NINL: variants seen among roughly 807,000 people sequenced by gnomAD.
The protein encoded by NINL is ninein like, also known as ninein-like protein.
Under a neutral mutation model 160.3 loss-of-function variants are expected in NINL, and 153 were observed. The observed-to-expected ratio is 0.95, with a 90% CI of 0.84 to 1.09. The LOEUF is 1.09. Ranked by LOEUF, NINL falls within the 50% of genes least tolerant of loss-of-function variation. The pLI, the probability that NINL is intolerant of heterozygous loss-of-function variation, is 0.00. For missense variants in NINL, 1,829 were observed against 1,764.0 expected, an observed-to-expected ratio of 1.04 and a Z score of -0.66; for synonymous variants, 800 against 734.8, an observed-to-expected ratio of 1.09 and a Z score of -1.43.
intron 16 of NINL, 21 bp downstream of exon 16, chr20:25,478,902 C>T: frequency 1.3e-6 from 2 of 1,491,102 alleles, no homozygotes; most frequent in Non-Finnish European, 1.8e-6. Flanking sequence ...GACTTGAAAT[C>T]TCAAAAGAAG....
At chr20:25,475,292 C>T (rs913679983) in intron 17 of NINL, among the ~76,000 whole-genome samples, 1 of 152,008 alleles carries the variant, frequency 6.6e-6, no homozygotes, top group Admixed American at 6.6e-5. Context: ...CCTAACAAAG[C>T]CCAGGAGCTG....
rs570449418 is a variant in NINL at position 25,469,067 on chromosome 20, G to A, written c.3353+924C>T. Among the ~76,000 whole-genome samples the A allele has an allele frequency of 2.8e-3, 380 of 134,972 alleles. 3 individuals are homozygous for A. Among genetic ancestry groups the A allele is most frequent in the African/African-American group, 8.7e-3 (299 of 34,340 alleles). The allele number at this position is 134,972 out of a possible 152,430, so 88.5% of individuals were successfully genotyped here. On this transcript the variant is annotated intron_variant, in intron 18 of 23. Transcript: ENST00000278886. ...CCCTGTCCCCCAACTCTCACTGGTG[G>A]GTGCCCCACTGCCCTGTCCCCTGAC...
intron 5 of NINL, among the ~76,000 whole-genome samples, chr20:25,508,515 G>A (rs962768153): frequency 7.9e-5 from 12 of 152,236 alleles, no homozygotes; most frequent in Non-Finnish European, 1.8e-4. Context: ...GGGGGTTCCC[G>A]GGGTACAGGG....
chr20:25,559,112 G>A (rs2034891520), intron 1 of NINL, among the ~76,000 whole-genome samples: 1 of 152,200 alleles, frequency 6.6e-6, no homozygotes, highest in Non-Finnish European at 1.5e-5. Context: ...GTGATGACCT[G>A]CACAGAGCCT....
At chr20:25,566,794 A>G (rs1261342298) in intron 1 of NINL, among the ~76,000 whole-genome samples, 1 of 150,014 alleles carries the variant, frequency 6.7e-6, no homozygotes. Flanking sequence ...ACCCATCTCT[A>G]AAACAAACAA....
rs780812962 is a variant in NINL at position 25,496,743 on chromosome 20, G to T, written c.1230C>A (p.Ala410=). Residue 410 remains alanine, a synonymous_variant, in exon 10 of 24, where the codon GCC becomes GCA. Transcript: ENST00000278886. ...RDKARQDLER[A]EKRNLEFVKE... is the part of the protein sequence containing the mutation. The stretch of plus-strand genomic sequence containing the variant: ...TCACAAACTCCAGGTTCCTCTTCTC[G>T]GCCCTCTCCAGGTCCTGCCTTGCCT... The T allele has an allele frequency of 1.2e-6, 2 of 1,613,960 alleles. No individual in the cohort carries two copies. The highest frequency in any genetic ancestry group is 2.2e-5 in the South Asian group (2 of 91,070).
At chr20:25,534,677 G>C (rs778768472) in intron 1 of NINL, among the ~76,000 whole-genome samples, 1 of 152,168 alleles carries the variant, frequency 6.6e-6, no homozygotes, top group Non-Finnish European at 1.5e-5. Context: ...ATTGCTGACT[G>C]AAATATTGTT....
chr20:25,550,847 TC>T (rs1444922720), intron 1 of NINL, among the ~76,000 whole-genome samples: 2 of 152,182 alleles, frequency 1.3e-5, no homozygotes, highest in Non-Finnish European at 2.9e-5. Context: ...ACAGATGCCT[TC>T]CTCTTATCTC....
chr20:25,561,047 TC>T (rs1388677575), intron 1 of NINL, among the ~76,000 whole-genome samples: 80 of 71,144 alleles, frequency 1.1e-3, no homozygotes, highest in African/African-American at 4.1e-3. Flanking sequence ...CCTCTCCCTC[TC>T]CCTCTCTCTC....
intron 1 of NINL, among the ~76,000 whole-genome samples, chr20:25,584,120 C>A (rs1028043344): frequency 6.6e-6 from 1 of 152,130 alleles, no homozygotes; most frequent in African/African-American, 2.4e-5. Context: ...CCAGAACGTT[C>A]TGCACATGTA....
chr20:25,547,936 T>C (rs958324950), intron 1 of NINL, among the ~76,000 whole-genome samples: 15 of 152,212 alleles, frequency 9.9e-5, no homozygotes, highest in African/African-American at 3.4e-4. Flanking sequence ...AGAAGATTCA[T>C]TAATGGGCAA....
intron 14 of NINL, 33 bp downstream of exon 14, chr20:25,481,935 T>C (rs748752075): frequency 6.3e-7 from 1 of 1,587,338 alleles, no homozygotes; most frequent in South Asian, 1.1e-5. Context: ...CAGCAGGCCT[T>C]GGGTCAGCCC....
At chr20:25,566,202 T>C (rs1043040607) in intron 1 of NINL, among the ~76,000 whole-genome samples, 1 of 152,140 alleles carries the variant, frequency 6.6e-6, no homozygotes, top group African/African-American at 2.4e-5. Context: ...AAGGAGTATC[T>C]AGAAAAATCC....
At chr20:25,486,929 AC>A (rs1360895103) in intron 13 of NINL, among the ~76,000 whole-genome samples, 1 of 152,232 alleles carries the variant, frequency 6.6e-6, no homozygotes, top group Non-Finnish European at 1.5e-5. Context: ...TCCCTATAAT[AC>A]CTGCTCAAAT....
In NINL at chr20:25,510,685, A is replaced by T. The variant is rs182526959; in HGVS notation, c.506T>A (p.Phe169Tyr). The T allele has an allele frequency of 6.2e-7, 1 of 1,613,920 alleles. No homozygotes were observed. Among genetic ancestry groups the T allele is most frequent in the East Asian group, 2.2e-5 (1 of 44,890 alleles). ...ESTKEAQNEL[F>Y]EAQGQLQTWD... ...GGCTGAGGCTTTACCTTGTGCTTCA[A>T]ATAATTCATTCTGAGCTTCTTTAGT... Residue 169 changes from phenylalanine (F) to tyrosine (Y), a missense_variant, in exon 5 of 24, where the codon TTT becomes TAT. Phe to Tyr is a conservative substitution (Grantham distance 22). Coordinates refer to ENST00000278886, the MANE Select transcript of NINL (RefSeq NM_025176.6).
At chr20:25,467,695 T>C (rs2062952085) in intron 18 of NINL, among the ~76,000 whole-genome samples, 1 of 152,218 alleles carries the variant, frequency 6.6e-6, no homozygotes, top group South Asian at 2.1e-4. Flanking sequence ...AATGTGAAAC[T>C]GTCGGATTAC....
intron 19 of NINL, 184 bp from the exon 20 acceptor site, chr20:25,462,725 G>T: frequency 1.8e-6 from 1 of 542,886 alleles, no homozygotes; most frequent in African/African-American, 1.9e-5. Flanking sequence ...CACATTCATG[G>T]TTCACTGCAG....
intron 1 of NINL, among the ~76,000 whole-genome samples, chr20:25,533,221 T>C (rs1275546766): frequency 1.3e-5 from 2 of 151,992 alleles, no homozygotes; most frequent in African/African-American, 4.8e-5. Context: ...CTCCAATCCC[T>C]GGAGTCTGGA....
chr20:25,477,383 C>T (rs369831332), intron 16 of NINL, among the ~76,000 whole-genome samples: 22 of 152,344 alleles, frequency 1.4e-4, no homozygotes, highest in East Asian at 9.6e-4. Context: ...GACCTGGTTG[C>T]AGCCCCTCGG....
Sources: gnomAD v4.1 joint callset for allele counts (sites outside exome capture counted in the v4.1 genomes callset) on GRCh38, gnomAD v4.1.1 for gene constraint, MANE v1.5 for transcripts, NCBI Gene and HGNC (gene_info 2026-07-23, HGNC 2026-07-21) for gene names.